The following TSC22D1 variants were observed in gnomAD, a reference collection of about 807,000 sequenced individuals.
TSC22D1 encodes the protein TSC22 domain family protein 1.
Under a neutral mutation model 74.2 loss-of-function variants are expected in TSC22D1, and 9 were observed. The observed-to-expected ratio is 0.12, with a 90% CI of 0.07 to 0.21. The LOEUF (loss-of-function observed/expected upper bound fraction) is 0.21, where lower values mean the gene tolerates loss of function less well. Ranked by LOEUF, TSC22D1 falls within the 10% of genes least tolerant of loss-of-function variation. The pLI is 1.00. For synonymous variants in TSC22D1, 586 were observed against 492.5 expected (o/e 1.19, Z -2.51); for missense variants, 1,427 against 1,304.7 (o/e 1.09, Z -1.44).
Position 44,433,163 on chromosome 13 carries a change from C to CTG in TSC22D1, c.*1462_*1463insCA, listed in dbSNP as rs1874192699. ...TCCAATTATACACAGAATAAGGCTC[C>CTG]TTCTTCCTCTCAGTTCAGTAAAAAA... On this transcript the variant is annotated 3_prime_UTR_variant, in exon 3 of 3. Transcript: ENST00000458659. The CTG allele has an allele frequency of 6.6e-6, 1 of 152,108 alleles. No individual in the cohort carries two copies. Among genetic ancestry groups the CTG allele is most frequent in the African/African-American group, 2.4e-5 (1 of 41,378 alleles). 9.4% of individuals were successfully genotyped at this position (152,108 alleles called of 1,614,324 possible).
At chr13:44,511,539 A>C (rs370317120) in intron 1 of TSC22D1, among the ~76,000 whole-genome samples, 1 of 152,128 alleles carries the variant, frequency 6.6e-6, no homozygotes, top group East Asian at 1.9e-4. Flanking sequence ...CATATAACTA[A>C]TTGACATATA....
rs1337733156 is a variant in TSC22D1 at position 44,495,259 on chromosome 13, C to G, written c.2913-59164G>C. Among the ~76,000 whole-genome samples the G allele has an allele frequency of 7.3e-5, 10 of 137,382 alleles. No homozygotes were observed. In the Admixed American group the frequency reaches 7.5e-4, roughly 10 times the overall value. The allele number at this position is 137,382 out of a possible 152,430, so 90.1% of individuals were successfully genotyped here. On this transcript the variant is annotated intron_variant, in intron 1 of 2. Transcript: ENST00000458659. Reference sequence around the variant, plus strand: ...TTCTCAGCAGAAACTGTATGTAAGCCAGAAAGCAGCAGGGTGACATATTTA... The same window carrying G: ...TTCTCAGCAGAAACTGTATGTAAGCGAGAAAGCAGCAGGGTGACATATTTA...
chr13:44,446,888 TTCTA>T (rs1595083239), intron 1 of TSC22D1, among the ~76,000 whole-genome samples: 1 of 148,342 alleles, frequency 6.7e-6, no homozygotes, highest in Non-Finnish European at 1.5e-5. Context: ...ATTTTTAAAT[TTCTA>T]TCTAATCTTT....
intron 1 of TSC22D1, among the ~76,000 whole-genome samples, chr13:44,535,606 A>C (rs1230960043): frequency 6.6e-6 from 1 of 151,020 alleles, no homozygotes; most frequent in East Asian, 1.9e-4. Flanking sequence ...ATGTTTTTTT[A>C]AACAGAAGCT....
intron 1 of TSC22D1, among the ~76,000 whole-genome samples, chr13:44,446,656 C>T (rs1327715659): frequency 6.6e-6 from 1 of 150,714 alleles, no homozygotes; most frequent in African/African-American, 2.4e-5. Context: ...TATTGCTGTA[C>T]ACTAAAAAGG....
chr13:44,487,613 A>G (rs1379182547), intron 1 of TSC22D1, among the ~76,000 whole-genome samples: 1 of 151,920 alleles, frequency 6.6e-6, no homozygotes, highest in Non-Finnish European at 1.5e-5. Flanking sequence ...CTAGTAGTGA[A>G]TAAAGAGGTA....
chr13:44,444,278 C>T (rs1337385554), intron 1 of TSC22D1, among the ~76,000 whole-genome samples: 1 of 17,578 alleles, frequency 5.7e-5, no homozygotes, highest in Non-Finnish European at 9.5e-5. Flanking sequence ...GACTCTGTCT[C>T]AAAAAAAAAA....
At chr13:44,486,030 G>A (rs890968434) in intron 1 of TSC22D1, among the ~76,000 whole-genome samples, 4 of 151,694 alleles carry the variant, frequency 2.6e-5, no homozygotes, top group Non-Finnish European at 5.9e-5. Flanking sequence ...CAGAAAAGGC[G>A]AAAAAGAAAA....
chr13:44,509,950 C>CAAAAAAAAAAAAAAAAAAAACA (rs1879617459), intron 1 of TSC22D1, among the ~76,000 whole-genome samples: 2 of 51,426 alleles, frequency 3.9e-5, no homozygotes, highest in East Asian at 5.7e-4. Context: ...AGAAAATAAG[C>CAAAAAAAAAAAAAAAAAAAACA]AAAAAAAAAA....
chr13:44,518,201 A>G (rs902779818), intron 1 of TSC22D1, among the ~76,000 whole-genome samples: 11 of 151,856 alleles, frequency 7.2e-5, no homozygotes, highest in Non-Finnish European at 1.5e-4. Flanking sequence ...ATATGTCAGC[A>G]TGTTCAAAAT....
chr13:44,541,398 A>C (rs941299074), intron 1 of TSC22D1, among the ~76,000 whole-genome samples: 1 of 152,200 alleles, frequency 6.6e-6, no homozygotes, highest in Non-Finnish European at 1.5e-5. Flanking sequence ...GGCCTAAGTA[A>C]AGAAAACCTA....
chr13:44,536,137 A>G (rs1341200106), intron 1 of TSC22D1, among the ~76,000 whole-genome samples: 1 of 151,802 alleles, frequency 6.6e-6, no homozygotes, highest in Non-Finnish European at 1.5e-5. Context: ...CACCCCCAAT[A>G]CAACAGCTAT....
At chr13:44,530,842 T>C (rs538802163) in intron 1 of TSC22D1, among the ~76,000 whole-genome samples, 17 of 152,148 alleles carry the variant, frequency 1.1e-4, no homozygotes, top group African/African-American at 4.1e-4. Context: ...AATGATAACA[T>C]CAAATGCTGG....
chr13:44,573,198 C>A lies in TSC22D1; in HGVS notation c.2877G>T (p.Pro959=). 6.2e-7 allele frequency: 1 copy of A among 1,614,154 alleles called. No homozygotes were observed. The highest frequency in any genetic ancestry group is 2.2e-5 in the East Asian group (1 of 44,882). The change falls in exon 1 of 3, where the codon CCG becomes CCT. Residue 959 remains proline, a synonymous_variant. Transcript: ENST00000458659. ...SASLFPLKVL[P]LTTPLVDGED... is the part of the protein sequence containing the mutation. ...CGCCATCCACCAGGGGTGTCGTCAG[C>A]GGTAGCACCTTCAACGGGAAAAGAG...
rs1308514676 is a variant in TSC22D1, at chr13:44,536,719, T to A, written c.2912+36444A>T. ...GACTTGGTCAAATTACTCTTGATAT[T>A]TACAGTATTAACTCAAGAGAGTTTT... On this transcript the variant is annotated intron_variant, in intron 1 of 2. Coordinates refer to ENST00000458659, the MANE Select transcript of TSC22D1 (RefSeq NM_183422.4). 6.1e-6 allele frequency: 6 copies of A among 980,776 alleles called. No individual in the cohort carries two copies. The African/African-American group carries it at 8.7e-5, about 14-fold the overall frequency. 60.8% of individuals were successfully genotyped at this position (980,776 alleles called of 1,614,324 possible).
At chr13:44,570,568 A>G (rs997334127) in intron 1 of TSC22D1, among the ~76,000 whole-genome samples, 1 of 152,172 alleles carries the variant, frequency 6.6e-6, no homozygotes, top group Non-Finnish European at 1.5e-5. Flanking sequence ...ATCCATGTTT[A>G]TAGTCTCTCC....
intron 1 of TSC22D1, chr13:44,539,169 T>C (rs1366503305): frequency 7.1e-6 from 7 of 985,228 alleles, no homozygotes; most frequent in Middle Eastern, 5.2e-4. Context: ...ATATTAAACA[T>C]AGCTTTCAGG....
In TSC22D1 at chr13:44,477,638, A is replaced by ATTT. The variant is rs35355914; in HGVS notation, c.2913-41546_2913-41544dup. ...GTCTCCCTATCAAATGTGCTCATAG[A>ATTT]TTTTTTTTTTTTTTTTTTTTTGAGA... On this transcript the variant is annotated intron_variant, in intron 1 of 2. Transcript: ENST00000458659. 4.0e-4 allele frequency among the ~76,000 whole-genome samples: 50 copies of ATTT among 125,346 alleles called. 1 individual carries two copies. The highest frequency in any genetic ancestry group is 4.9e-4 in the Non-Finnish European group (30 of 60,744). 82.2% of individuals were successfully genotyped at this position (125,346 alleles called of 152,430 possible). A position where few individuals can be genotyped will look rare whatever the true frequency, so the allele number is the denominator to read the frequency against.
At chr13:44,489,109 C>T (rs533634275) in intron 1 of TSC22D1, among the ~76,000 whole-genome samples, 3 of 151,058 alleles carry the variant, frequency 2.0e-5, no homozygotes, top group South Asian at 4.2e-4. Flanking sequence ...AAAAGCAGCA[C>T]TGCAAAAAAA....
Sources: gnomAD v4.1 joint callset for allele counts (sites outside exome capture counted in the v4.1 genomes callset) on GRCh38, gnomAD v4.1.1 for gene constraint, MANE v1.5 for transcripts, NCBI Gene and HGNC (gene_info 2026-07-23, HGNC 2026-07-21) for gene names.